KCNMA1: variants seen among roughly 807,000 people sequenced by gnomAD.
KCNMA1 encodes the protein Calcium-activated potassium channel subunit alpha-1.
In KCNMA1, 29 loss-of-function variants were observed where a neutral mutation model predicts 140.0. The observed-to-expected ratio is 0.21, with a 90% CI of 0.15 to 0.28. KCNMA1 has a LOEUF of 0.28. Ranked by LOEUF, KCNMA1 falls within the 10% of genes least tolerant of loss-of-function variation. The probability of loss-of-function intolerance (pLI) is 1.00; values close to 1 mark genes in which losing one functional copy is unlikely to be tolerated. For synonymous variants in KCNMA1, 612 were observed against 611.9 expected, an observed-to-expected ratio of 1.00 and a Z score of 0.00; for missense variants, 880 against 1,602.2, an observed-to-expected ratio of 0.55 and a Z score of 7.70.
chr10:77,359,898 A>G (rs1272411314), intron 2 of KCNMA1, among the ~76,000 whole-genome samples: 1 of 152,246 alleles, frequency 6.6e-6, no homozygotes, highest in East Asian at 1.9e-4. Context: ...TGCCCAGTGG[A>G]CATTCGCTGA....
At chr10:77,567,786 A>AT (rs2068927431) in intron 1 of KCNMA1, among the ~76,000 whole-genome samples, 2 of 124,424 alleles carry the variant, frequency 1.6e-5, no homozygotes, top group African/African-American at 2.5e-5. Context: ...ACTGTAAATT[A>AT]TTTTTTTTAA....
intron 3 of KCNMA1, among the ~76,000 whole-genome samples, chr10:77,202,741 C>G (rs568447130): frequency 6.6e-6 from 1 of 152,200 alleles, no homozygotes; most frequent in African/African-American, 2.4e-5. Context: ...TTACAGCACC[C>G]TCAAACTCAC....
intron 26 of KCNMA1, among the ~76,000 whole-genome samples, chr10:76,890,753 C>T (rs2039636721): frequency 6.6e-6 from 1 of 152,170 alleles, no homozygotes; most frequent in South Asian, 2.1e-4. Flanking sequence ...AGGGCAAAGA[C>T]AGCACACTTC....
chr10:77,221,771 C>G (rs563020924), intron 3 of KCNMA1, among the ~76,000 whole-genome samples: 1 of 152,264 alleles, frequency 6.6e-6, no homozygotes, highest in South Asian at 2.1e-4. Flanking sequence ...ATCAAATTCT[C>G]AAGAAAGTCT....
intron 5 of KCNMA1, among the ~76,000 whole-genome samples, chr10:77,135,594 G>A (rs531384956): frequency 3.3e-5 from 5 of 152,256 alleles, no homozygotes; most frequent in East Asian, 1.9e-4. Flanking sequence ...GAAATCAACC[G>A]CAGTGTCCAT....
chr10:77,306,797 T>C (rs533908857), intron 2 of KCNMA1, among the ~76,000 whole-genome samples: 4 of 152,264 alleles, frequency 2.6e-5, no homozygotes, highest in Non-Finnish European at 5.9e-5. Flanking sequence ...CACAGTGCTA[T>C]CTAGGAGGTA....
chr10:77,550,552 C>T (rs1453488995), intron 1 of KCNMA1, among the ~76,000 whole-genome samples: 1 of 152,186 alleles, frequency 6.6e-6, no homozygotes, highest in Non-Finnish European at 1.5e-5. Context: ...TCACGTAGAT[C>T]CACAGAACCT....
intron 1 of KCNMA1, among the ~76,000 whole-genome samples, chr10:77,527,054 C>A (rs1378364059): frequency 6.6e-6 from 1 of 152,246 alleles, no homozygotes; most frequent in East Asian, 1.9e-4. Context: ...CCGACACATA[C>A]TTCTGGGAGC....
chr10:76,974,708 T>C (rs1246404080), intron 19 of KCNMA1: 5 of 634,906 alleles, frequency 7.9e-6, no homozygotes, highest in Non-Finnish European at 1.1e-5. Flanking sequence ...TGAATTGCCA[T>C]TTTTTTCCCT....
At chr10:76,910,132 A>C in intron 24 of KCNMA1, 36 bp from the exon 25 acceptor site, 1 of 1,611,794 alleles carries the variant, frequency 6.2e-7, no homozygotes, top group South Asian at 1.1e-5. Context: ...AGCTCTGAAG[A>C]CCACACACAG....
At chr10:76,960,851 G>A (rs1372884349) in intron 20 of KCNMA1, among the ~76,000 whole-genome samples, 3 of 151,942 alleles carry the variant, frequency 2.0e-5, no homozygotes, top group East Asian at 1.9e-4. Flanking sequence ...ATGATCTACT[G>A]AATATTTTAA....
downstream of KCNMA1, chr10:76,873,452 T>A (rs989112736): frequency 1.3e-5 from 2 of 152,204 alleles, no homozygotes; most frequent in African/African-American, 4.8e-5. Flanking sequence ...CTTTTGGGAA[T>A]AAGGAGAGGA....
intron 2 of KCNMA1, among the ~76,000 whole-genome samples, chr10:77,312,557 C>T (rs1311136855): frequency 2.0e-5 from 3 of 152,266 alleles, no homozygotes; most frequent in South Asian, 2.1e-4. Flanking sequence ...ACTTGGGAGA[C>T]GGAGATTGTA....
In KCNMA1 at chr10:77,404,035, G is replaced by C. The variant is rs200550652; in HGVS notation, c.379-12C>G. 2.5e-6 allele frequency: 4 copies of C among 1,613,694 alleles called. No homozygotes were observed. Among genetic ancestry groups the C allele is most frequent in the Admixed American group, 1.7e-5 (1 of 60,012 alleles). The stretch of plus-strand genomic sequence containing the variant: ...ATCTTCTGGGCCTCCTGGCAACAGA[G>C]AGAGCAAGAGTTAAGACATAGGGAA... On this transcript the variant is annotated splice_polypyrimidine_tract_variant and intron_variant, in intron 1 of 27. Transcript: ENST00000286628.
chr10:77,339,338 T>C (rs984282985), intron 2 of KCNMA1, among the ~76,000 whole-genome samples: 3 of 152,140 alleles, frequency 2.0e-5, no homozygotes, highest in Non-Finnish European at 2.9e-5. Context: ...CTTCCCAGCC[T>C]CTCTGCTCCT....
chr10:76,998,595 A>T (rs949114415), intron 19 of KCNMA1, among the ~76,000 whole-genome samples: 1 of 152,208 alleles, frequency 6.6e-6, no homozygotes. Flanking sequence ...TGATCCGCCC[A>T]TCTGACCTCA....
At chr10:77,175,587 G>A (rs1045052341) in intron 5 of KCNMA1, among the ~76,000 whole-genome samples, 6 of 152,278 alleles carry the variant, frequency 3.9e-5, no homozygotes, top group Middle Eastern at 3.4e-3. Flanking sequence ...AGCAGGCTGC[G>A]TATGGTGCTC....
chr10:77,111,248 G>T (rs560441346), intron 7 of KCNMA1, among the ~76,000 whole-genome samples: 1 of 152,192 alleles, frequency 6.6e-6, no homozygotes, highest in East Asian at 1.9e-4. Context: ...ACTCAAATAT[G>T]CCTGTGATCC....
chr10:77,178,201 T>C lies in KCNMA1; in HGVS notation c.808+5220A>G, dbSNP rs530635988. Among the ~76,000 whole-genome samples the C allele has an allele frequency of 3.9e-5, 6 of 152,272 alleles. No individual in the cohort carries two copies. In the East Asian group the frequency reaches 1.2e-3, roughly 29 times the overall value. On this transcript the variant is annotated intron_variant, in intron 5 of 27. Transcript: ENST00000286628. The stretch of plus-strand genomic sequence containing the variant: ...CATGGTTCCAATGACCATGGTCCCT[T>C]ATCATATGCCGATTTCATCAGTCAA...
Sources: allele counts gnomAD v4.1 joint callset (sites outside exome capture counted in the v4.1 genomes callset), GRCh38; gene constraint gnomAD v4.1.1; transcripts MANE v1.5; gene names NCBI Gene and HGNC (gene_info 2026-07-23, HGNC 2026-07-21).